NR2F1: variants seen among roughly 807,000 people sequenced by gnomAD.
NR2F1 encodes COUP transcription factor 1.
NR2F1 carries 1 observed loss-of-function variant against 37.7 expected under a neutral mutation model. The observed-to-expected ratio is 0.03, with a 90% CI of 0.01 to 0.13. NR2F1 has a LOEUF of 0.13. Ranked by LOEUF, NR2F1 falls within the 10% of genes least tolerant of loss-of-function variation. The probability of loss-of-function intolerance (pLI) is 1.00; values close to 1 mark genes in which losing one functional copy is unlikely to be tolerated. For synonymous variants in NR2F1, 275 were observed against 259.6 expected, an observed-to-expected ratio of 1.06 and a Z score of -0.57; for missense variants, 268 against 578.4, an observed-to-expected ratio of 0.46 and a Z score of 5.50.
At chr5:93,587,456 C>T (rs1379294885) in intron 1 of NR2F1, 1 of 160,298 alleles carries the variant, frequency 6.2e-6, no homozygotes, top group Non-Finnish European at 1.4e-5. Context: ...AACATTTTAT[C>T]AGCAAAACGC....
chr5:93,586,724 G>GA lies in NR2F1; in HGVS notation c.464-1181dup, dbSNP rs202046331. 5.1e-3 allele frequency among the ~76,000 whole-genome samples: 707 copies of GA among 138,352 alleles called. 4 individuals are homozygous for GA. The East Asian group carries it at 0.052, about 10-fold the overall frequency. 90.8% of individuals were successfully genotyped at this position (138,352 alleles called of 152,430 possible). ...CTCCAGGGAGATTTTGTAGGCATCT[G>GA]AAAAAAAAAAAACTTTGAATTGTAC... On this transcript the variant is annotated intron_variant, in intron 1 of 2. Coordinates refer to ENST00000327111, the MANE Select transcript of NR2F1 (RefSeq NM_005654.6).
chr5:93,587,873 T>A (rs761453729), intron 1 of NR2F1, 44 bp from the exon 2 acceptor site: 5 of 1,526,242 alleles, frequency 3.3e-6, no homozygotes, highest in Middle Eastern at 3.6e-4. Context: ...GTTCGCAAGC[T>A]CCCTGGATGC....
At chr5:93,590,345 T>C (rs1753310318) in intron 2 of NR2F1, among the ~76,000 whole-genome samples, 1 of 152,182 alleles carries the variant, frequency 6.6e-6, no homozygotes, top group Non-Finnish European at 1.5e-5. Context: ...GCTAATCTCA[T>C]GCCCTTTCCC....
rs1424915718 is a variant in NR2F1 at position 93,583,455 on chromosome 5, T to C, written c.-1569T>C. On this transcript the variant is annotated 5_prime_UTR_variant, in exon 1 of 3. Transcript: ENST00000327111. Reference sequence around the variant, plus strand: ...TTGTTTTCCCCTTCTTCTTCTCCTTTCTCTCCTTTTTCTCCCTCCTCCTTG... The same window carrying C: ...TTGTTTTCCCCTTCTTCTTCTCCTTCCTCTCCTTTTTCTCCCTCCTCCTTG... 1 of 151,998 alleles carries C rather than the reference T, an allele frequency of 6.6e-6. No homozygotes were observed. The highest frequency in any genetic ancestry group is 6.6e-5 in the Admixed American group (1 of 15,254). The allele number at this position is 151,998 out of a possible 1,614,324, so 9.4% of individuals were successfully genotyped here.
intron 2 of NR2F1, among the ~76,000 whole-genome samples, chr5:93,589,031 A>G (rs1753286944): frequency 6.6e-6 from 1 of 151,994 alleles, no homozygotes; most frequent in African/African-American, 2.4e-5. Context: ...TCGCTGCCTG[A>G]TTTTCCCTTA....
chr5:93,589,818 C>T (rs563433035), intron 2 of NR2F1, among the ~76,000 whole-genome samples: 1 of 152,320 alleles, frequency 6.6e-6, no homozygotes, highest in East Asian at 1.9e-4. Flanking sequence ...GTATTAATAT[C>T]GATCTGAACA....
At position 93,583,392 on chromosome 5, in the gene NR2F1, C is replaced by T. The variant is rs1162909482; in HGVS notation, c.-1632C>T. 3.3e-5 allele frequency: 5 copies of T among 149,744 alleles called. No homozygotes were observed. Among genetic ancestry groups the T allele is most frequent in the Non-Finnish European group, 4.4e-5 (3 of 67,612 alleles). The allele number at this position is 149,744 out of a possible 1,614,324, so 9.3% of individuals were successfully genotyped here. A position where few individuals can be genotyped will look rare whatever the true frequency, so the allele number is the denominator to read the frequency against. On this transcript the variant is annotated 5_prime_UTR_variant, in exon 1 of 3. Coordinates refer to ENST00000327111, the MANE Select transcript of NR2F1 (RefSeq NM_005654.6). ...CTCTCTCTCTCCTCTCTTCTCTGAA[C>T]CTCTCTTCTCTTTCTCTTTTCTTAC...
In NR2F1 at chr5:93,585,135, G is replaced by C; in HGVS notation, c.112G>C (p.Gly38Arg). The C allele has an allele frequency of 9.5e-7, 1 of 1,056,648 alleles. No homozygotes were observed. The highest frequency in any genetic ancestry group is 1.7e-5 in the African/African-American group (1 of 58,504). The allele number at this position is 1,056,648 out of a possible 1,614,324, so 65.5% of individuals were successfully genotyped here. A position where few individuals can be genotyped will look rare whatever the true frequency, so the allele number is the denominator to read the frequency against. ...GGCCCGCGGCGGCGGCGGCGGCGCC[G>C]GCGAGCAGCAGCAGCAGGCGGGCTC... is the stretch of plus-strand genomic sequence containing the variant. ...QAARGGGGGA[G>R]EQQQQAGSGA... Residue 38 changes from glycine to arginine, a missense_variant, in exon 1 of 3, where the codon GGC becomes CGC. Gly to Arg is a moderately radical substitution (Grantham distance 125). Transcript: ENST00000327111.
In NR2F1 at chr5:93,593,949, A is replaced by T; in HGVS notation, c.*107A>T. 8.8e-7 allele frequency: 1 copy of T among 1,137,564 alleles called. No homozygotes were observed. The allele number at this position is 1,137,564 out of a possible 1,614,324, so 70.5% of individuals were successfully genotyped here. On this transcript the variant is annotated 3_prime_UTR_variant, in exon 3 of 3. Coordinates refer to ENST00000327111, the MANE Select transcript of NR2F1 (RefSeq NM_005654.6). This position sits in a 1 kb window ranked among gnomAD's most constrained non-coding sequence, Gnocchi z 5.6. ...CACCGGGAAGTGCAGCGGGCCAGGCAGGCTGGGTGGGAGGGAGGAGGGCCG... is the reference window on the plus strand; with the variant it reads ...CACCGGGAAGTGCAGCGGGCCAGGCTGGCTGGGTGGGAGGGAGGAGGGCCG...
At chr5:93,592,208 T>C (rs1753342620) in intron 2 of NR2F1, 1 of 152,232 alleles carries the variant, frequency 6.6e-6, no homozygotes, top group African/African-American at 2.4e-5. Flanking sequence ...AATCATTTGT[T>C]GTGTCTTCTT....
rs541744004 is a variant in NR2F1, at chr5:93,590,315, C to A, written c.991+1871C>A. 5.9e-5 allele frequency among the ~76,000 whole-genome samples: 9 copies of A among 152,262 alleles called. No individual in the cohort carries two copies. In the South Asian group the frequency reaches 1.5e-3, roughly 25 times the overall value. On this transcript the variant is annotated intron_variant, in intron 2 of 2. Transcript: ENST00000327111. ...TCTTTTCCTTACACCCCCTAAGGTT[C>A]TTTGAACCCCCTTGACTTTGCTAAT...
At chr5:93,588,748 G>T (rs1436602211) in intron 2 of NR2F1, among the ~76,000 whole-genome samples, 2 of 151,280 alleles carry the variant, frequency 1.3e-5, no homozygotes, top group African/African-American at 4.8e-5. Context: ...GTCTGAGGCG[G>T]GGGGGCGGTG....
In NR2F1 at chr5:93,593,941, G is replaced by A; in HGVS notation, c.*99G>A. ...CGCGGGGACACCGGGAAGTGCAGCG[G>A]GCCAGGCAGGCTGGGTGGGAGGGAG... On this transcript the variant is annotated 3_prime_UTR_variant, in exon 3 of 3. Transcript: ENST00000327111. The surrounding 1 kb of genome is among the most constrained non-coding windows in gnomAD (Gnocchi z 5.6). The A allele has an allele frequency of 8.1e-7, 1 of 1,232,462 alleles. No individual in the cohort carries two copies. The allele number at this position is 1,232,462 out of a possible 1,614,324, so 76.3% of individuals were successfully genotyped here. A position where few individuals can be genotyped will look rare whatever the true frequency, so the allele number is the denominator to read the frequency against.
chr5:93,588,529 C>G (rs1753271981), intron 2 of NR2F1, 85 bp downstream of exon 2: 1 of 1,003,890 alleles, frequency 1.0e-6, no homozygotes, highest in African/African-American at 1.7e-5. Context: ...TCGGAGCCTC[C>G]CGCGCGGCCG....
chr5:93,585,122 C>T lies in NR2F1; in HGVS notation c.99C>T (p.Gly33=). ...CCGCAGCGCAGGCGGCCCGCGGCGG[C>T]GGCGGCGGCGCCGGCGAGCAGCAGC... ...PNPAAQAARG[G]GGGAGEQQQQ... Residue 33 remains glycine, a synonymous_variant, in exon 1 of 3, where the codon GGC becomes GGT. Coordinates refer to ENST00000327111, the MANE Select transcript of NR2F1 (RefSeq NM_005654.6). 2.0e-6 allele frequency: 2 copies of T among 1,003,612 alleles called. No homozygotes were observed. The highest frequency in any genetic ancestry group is 2.4e-6 in the Non-Finnish European group (2 of 843,528). 62.2% of individuals were successfully genotyped at this position (1,003,612 alleles called of 1,614,324 possible).
intron 1 of NR2F1, among the ~76,000 whole-genome samples, chr5:93,586,262 A>G (rs1250913425): frequency 6.6e-6 from 1 of 152,134 alleles, no homozygotes; most frequent in African/African-American, 2.4e-5. Flanking sequence ...TTTCTTCATC[A>G]AACTCCACCC....
chr5:93,590,820 C>T (rs1169522795), intron 2 of NR2F1, among the ~76,000 whole-genome samples: 1 of 152,218 alleles, frequency 6.6e-6, no homozygotes, highest in African/African-American at 2.4e-5. Context: ...CACATTTGGC[C>T]TCCGGATGGT....
In NR2F1 at chr5:93,593,593, C is replaced by T. The variant is rs776732958; in HGVS notation, c.1023C>T (p.Ile341=). The T allele has an allele frequency of 2.0e-5, 32 of 1,613,730 alleles. No homozygotes were observed. Among genetic ancestry groups the T allele is most frequent in the Middle Eastern group, 1.6e-4 (1 of 6,080 alleles). ...DACGLSDAAH[I]ESLQEKSQCA... ...GTGGCCTGTCGGATGCGGCCCACAT[C>T]GAGAGCCTGCAGGAGAAGTCGCAGT... Residue 341 remains isoleucine, a synonymous_variant, in exon 3 of 3, where the codon ATC becomes ATT. Coordinates refer to ENST00000327111, the MANE Select transcript of NR2F1 (RefSeq NM_005654.6). The surrounding 1 kb of genome is among the most constrained non-coding windows in gnomAD (Gnocchi z 5.6).
chr5:93,588,815 C>CTG, intron 2 of NR2F1, among the ~76,000 whole-genome samples: 1 of 151,004 alleles, frequency 6.6e-6, no homozygotes, highest in Non-Finnish European at 1.5e-5. Context: ...GTGTGTGTCT[C>CTG]TGTGTGTGTG....
Sources: gnomAD v4.1 joint callset for allele counts (sites outside exome capture counted in the v4.1 genomes callset) on GRCh38, gnomAD v4.1.1 for gene constraint, Gnocchi (gnomAD v3.1) non-coding constraint, MANE v1.5 for transcripts, NCBI Gene and HGNC (gene_info 2026-07-23, HGNC 2026-07-21) for gene names.